Variants in DERL1 observed in about 807,000 individuals in gnomAD.
The protein encoded by DERL1 is derlin 1, also known as derlin-1.
DERL1 carries 24 observed loss-of-function variants against 41.6 expected under a neutral mutation model. That is an observed-to-expected ratio of 0.58 (90% CI 0.42 to 0.81). DERL1 has a LOEUF of 0.81. Among genes scored for constraint, DERL1 ranks in the 30% least tolerant of loss-of-function variants. The pLI, the probability that DERL1 is intolerant of heterozygous loss-of-function variation, is 0.00. For missense variants in DERL1, 260 were observed against 314.3 expected (o/e 0.83, Z 1.31); for synonymous variants, 124 against 112.5 (o/e 1.10, Z -0.65).
intron 1 of DERL1, among the ~76,000 whole-genome samples, chr8:123,030,962 C>G (rs1224633584): frequency 6.6e-6 from 1 of 152,138 alleles, no homozygotes; most frequent in Non-Finnish European, 1.5e-5. Context: ...CAAGTTGAAA[C>G]AAAATCAATA....
rs1306112402 is a variant in DERL1 at position 123,014,633 on chromosome 8, T to C, written c.*814A>G. Reference sequence around the variant, plus strand: ...TACACAAAGCCAGTAGGCCTACATATGAAACGCAAAGGGGTTGCATCCCCC... The same window carrying C: ...TACACAAAGCCAGTAGGCCTACATACGAAACGCAAAGGGGTTGCATCCCCC... On this transcript the variant is annotated 3_prime_UTR_variant, in exon 8 of 8. Transcript: ENST00000259512. The C allele has an allele frequency of 1.3e-5, 2 of 152,288 alleles. No homozygotes were observed. The highest frequency in any genetic ancestry group is 6.5e-5 in the Admixed American group (1 of 15,282). The allele number at this position is 152,288 out of a possible 1,614,324, so 9.4% of individuals were successfully genotyped here.
chr8:123,040,086 G>A (rs1211865114), intron 1 of DERL1, among the ~76,000 whole-genome samples: 1 of 152,164 alleles, frequency 6.6e-6, no homozygotes, highest in Non-Finnish European at 1.5e-5. Flanking sequence ...GCATGGTGGT[G>A]TGCACCTGTA....
chr8:123,026,101 C>G (rs539729348), intron 2 of DERL1, among the ~76,000 whole-genome samples: 1 of 152,084 alleles, frequency 6.6e-6, no homozygotes, highest in African/African-American at 2.4e-5. Context: ...AAAAAGAAAC[C>G]CAACAAGTGT....
At chr8:123,041,842 A>G in intron 1 of DERL1, 128 bp downstream of exon 1, 2 of 1,334,986 alleles carry the variant, frequency 1.5e-6, no homozygotes, top group Non-Finnish European at 2.0e-6. Context: ...CCCGCCCTAA[A>G]CCGCCGGCGC....
At chr8:123,026,490 C>T (rs1408821734) in intron 2 of DERL1, among the ~76,000 whole-genome samples, 1 of 152,210 alleles carries the variant, frequency 6.6e-6, no homozygotes, top group Non-Finnish European at 1.5e-5. Flanking sequence ...TAAGCCAACT[C>T]TGCTATATAA....
intron 1 of DERL1, among the ~76,000 whole-genome samples, chr8:123,035,530 C>T (rs1302956853): frequency 1.3e-5 from 2 of 152,154 alleles, no homozygotes; most frequent in East Asian, 1.9e-4. Flanking sequence ...CAAAGAGCCA[C>T]GACTTGCAGA....
rs1188719740 is a variant in DERL1 at position 123,023,713 on chromosome 8, C to T, written c.357G>A (p.Gln119=). 6 of 1,607,132 alleles carry T rather than the reference C, an allele frequency of 3.7e-6. No individual in the cohort carries two copies. Among genetic ancestry groups the T allele is most frequent in the Non-Finnish European group, 5.1e-6 (6 of 1,176,902 alleles). ...ATAGATAGTTTAAATGGACACTTAC[C>T]TGCATATCCATTGCTAAGCCAGTAA... The part of the protein sequence containing the change: ...IVITGLAMDM[Q]LLMIPLIMSV... The change falls in exon 4 of 8, where the codon CAG becomes CAA. Residue 119 remains glutamine (Q), a splice_region_variant and synonymous_variant. Coordinates refer to ENST00000259512, the MANE Select transcript of DERL1 (RefSeq NM_024295.6).
At chr8:123,030,015 G>T (rs1438886437) in intron 2 of DERL1, among the ~76,000 whole-genome samples, 1 of 151,978 alleles carries the variant, frequency 6.6e-6, no homozygotes, top group Non-Finnish European at 1.5e-5. Flanking sequence ...AACTGAGATG[G>T]CACCACTGCA....
In DERL1 at chr8:123,015,503, T is replaced by G. The variant is rs747396883; in HGVS notation, c.700A>C (p.Asn234His). Residue 234 changes from asparagine (N) to histidine (H), a missense_variant, in exon 8 of 8, where the codon AAT becomes CAT. Asn to His is a moderately conservative substitution (Grantham distance 68). Coordinates refer to ENST00000259512, the MANE Select transcript of DERL1 (RefSeq NM_024295.6). The stretch of plus-strand genomic sequence containing the variant: ...CAGTTGTGTCTCCCGCCTCCGCCAT[T>G]CTGATCAGCAGCTCGCCTCATGCTA... ...PASMRRAADQ[N>H]GGGGRHNWGQ... The G allele has an allele frequency of 6.2e-7, 1 of 1,613,544 alleles. No individual in the cohort carries two copies. The highest frequency in any genetic ancestry group is 8.5e-7 in the Non-Finnish European group (1 of 1,179,816).
intron 1 of DERL1, among the ~76,000 whole-genome samples, chr8:123,032,269 G>C (rs974288429): frequency 2.0e-4 from 30 of 151,770 alleles, no homozygotes; most frequent in Admixed American, 1.9e-3. Flanking sequence ...CAAGTAGCTG[G>C]GACTACCAGC....
chr8:123,017,981 C>T (rs1403882900), intron 7 of DERL1: 1 of 152,016 alleles, frequency 6.6e-6, no homozygotes, highest in Non-Finnish European at 1.5e-5. Context: ...ACACACACAC[C>T]ACAACCACCA....
At chr8:123,036,611 A>G (rs1812934995) in intron 1 of DERL1, among the ~76,000 whole-genome samples, 1 of 152,208 alleles carries the variant, frequency 6.6e-6, no homozygotes, top group Non-Finnish European at 1.5e-5. Flanking sequence ...CTCAATAAAA[A>G]GTTTTTTAAA....
Position 123,022,695 on chromosome 8 carries a change from T to C in DERL1, c.442A>G (p.Thr148Ala). 1.9e-6 allele frequency: 3 copies of C among 1,614,092 alleles called. No individual in the cohort carries two copies. In the South Asian group the frequency reaches 3.3e-5, roughly 18 times the overall value. The change falls in exon 5 of 8, where the codon ACA becomes GCA. Residue 148 changes from threonine (T) to alanine (A), a missense_variant. By Grantham distance (58) the Thr-to-Ala change is moderately conservative. Coordinates refer to ENST00000259512, the MANE Select transcript of DERL1 (RefSeq NM_024295.6). Reference sequence around the variant, plus strand: ...CCAAGGCAAAGTACCTTAAATCGTGTTCCAAACCAAAATGATACAATCATG... The same window carrying C: ...CCAAGGCAAAGTACCTTAAATCGTGCTCCAAACCAAAATGATACAATCATG... ...RDMIVSFWFG[T>A]RFKACYLPWV...
At chr8:123,037,178 G>T (rs570170039) in intron 1 of DERL1, among the ~76,000 whole-genome samples, 5 of 152,054 alleles carry the variant, frequency 3.3e-5, no homozygotes, top group Non-Finnish European at 7.4e-5. Flanking sequence ...CCACGTAGGA[G>T]GCAACTATTT....
chr8:123,037,547 A>G (rs1334828856), intron 1 of DERL1, among the ~76,000 whole-genome samples: 1 of 152,232 alleles, frequency 6.6e-6, no homozygotes, highest in African/African-American at 2.4e-5. Context: ...CCTTGAGACC[A>G]TGATTCAACT....
At chr8:123,030,468 G>A in intron 2 of DERL1, 137 bp downstream of exon 2, 1 of 609,704 alleles carries the variant, frequency 1.6e-6, no homozygotes, top group Non-Finnish European at 2.8e-6. Context: ...TGCAGTCCTG[G>A]CACAGTCACT....
intron 2 of DERL1, among the ~76,000 whole-genome samples, chr8:123,029,787 C>T (rs1285353321): frequency 3.9e-5 from 6 of 152,134 alleles, no homozygotes; most frequent in Non-Finnish European, 5.9e-5. Flanking sequence ...TGGCTGGGCA[C>T]GTTGACTCAC....
At position 123,014,383 on chromosome 8, in the gene DERL1, C is replaced by T. The variant is rs1351322927; in HGVS notation, c.*1064G>A. 1 of 152,670 alleles carries T rather than the reference C, an allele frequency of 6.6e-6. No individual in the cohort carries two copies. The highest frequency in any genetic ancestry group is 1.5e-5 in the Non-Finnish European group (1 of 68,048). The allele number at this position is 152,670 out of a possible 1,614,324, so 9.5% of individuals were successfully genotyped here. ...AAAATGATCTACGTGCAGAGAGGAGCTGCGCCTTCCTCACAATTAATTGAA... is the reference window on the plus strand; with the variant it reads ...AAAATGATCTACGTGCAGAGAGGAGTTGCGCCTTCCTCACAATTAATTGAA... On this transcript the variant is annotated 3_prime_UTR_variant, in exon 8 of 8. Coordinates refer to ENST00000259512, the MANE Select transcript of DERL1 (RefSeq NM_024295.6).
At position 123,030,607 on chromosome 8, in the gene DERL1, G is replaced by A; in HGVS notation, c.263C>T (p.Thr88Ile). 1 of 1,583,538 alleles carries A rather than the reference G, an allele frequency of 6.3e-7. No homozygotes were observed. Among genetic ancestry groups the A allele is most frequent in the Non-Finnish European group, 8.6e-7 (1 of 1,158,912 alleles). ...TAAAACAACTATGGGTAACATACCT[G>A]TTTCAAGTCGCGTAGAATACTGATA... Reference protein sequence around the residue: ...FLYQYSTRLETGAFDGRPADY... With the variant: ...FLYQYSTRLEIGAFDGRPADY... The change falls in exon 2 of 8, where the codon ACA becomes ATA. Residue 88 changes from threonine (T) to isoleucine (I), a missense_variant and splice_region_variant. Thr to Ile is a moderately conservative substitution (Grantham distance 89). Transcript: ENST00000259512.
Sources: allele counts gnomAD v4.1 joint callset (sites outside exome capture counted in the v4.1 genomes callset), GRCh38; gene constraint gnomAD v4.1.1; transcripts MANE v1.5; gene names NCBI Gene and HGNC (gene_info 2026-07-23, HGNC 2026-07-21).